The following HIVEP1 variants were observed in gnomAD, a reference collection of about 807,000 sequenced individuals.
HIVEP1 encodes the protein zinc finger protein 40.
A neutral mutation model predicts 180.0 loss-of-function variants in HIVEP1; 36 were observed. The observed-to-expected ratio is 0.20, with a 90% CI of 0.15 to 0.26. The LOEUF is 0.26. Among genes scored for constraint, HIVEP1 ranks in the 10% least tolerant of loss-of-function variants. The pLI is 1.00. For synonymous variants in HIVEP1, 1,239 were observed against 1,239.0 expected, an observed-to-expected ratio of 1.00 and a Z score of 0.00; for missense variants, 3,143 against 3,268.7, an observed-to-expected ratio of 0.96 and a Z score of 0.94.
intron 3 of HIVEP1, among the ~76,000 whole-genome samples, chr6:12,109,377 G>A (rs187834015): frequency 1.3e-5 from 2 of 152,316 alleles, no homozygotes; most frequent in African/African-American, 2.4e-5. Flanking sequence ...GTGTTTGATA[G>A]CATTTCACCC....
At chr6:12,012,772 C>G (rs1410462685) in intron 1 of HIVEP1, 1 of 152,832 alleles carries the variant, frequency 6.5e-6, no homozygotes, top group Non-Finnish European at 1.5e-5. Flanking sequence ...GCGCCCTCGC[C>G]GCGCGCGAGC....
intron 2 of HIVEP1, among the ~76,000 whole-genome samples, chr6:12,044,680 C>G (rs1389869278): frequency 6.6e-6 from 1 of 151,422 alleles, no homozygotes; most frequent in African/African-American, 2.4e-5. Flanking sequence ...GCCAGTGCAC[C>G]TGTGTGCAGC....
At chr6:12,068,433 G>A (rs1771744232) in intron 2 of HIVEP1, among the ~76,000 whole-genome samples, 1 of 152,102 alleles carries the variant, frequency 6.6e-6, no homozygotes, top group Non-Finnish European at 1.5e-5. Context: ...TAAATTAAAG[G>A]AATGTAAAGG....
rs548437064 is a variant in HIVEP1, at chr6:12,054,345, A to G, written c.41-34839A>G. On this transcript the variant is annotated intron_variant, in intron 2 of 8. Transcript: ENST00000379388. ...TTTGGAAGATCCACATACAGAAGTT[A>G]TAGTCACTCATAACTGTACCATCCA... is the stretch of plus-strand genomic sequence containing the variant. Among the ~76,000 whole-genome samples, 6 of 152,368 alleles carry G rather than the reference A, an allele frequency of 3.9e-5. No individual in the cohort carries two copies. In the South Asian group the frequency reaches 1.0e-3, roughly 26 times the overall value.
intron 3 of HIVEP1, among the ~76,000 whole-genome samples, chr6:12,102,344 A>G (rs1774160529): frequency 6.6e-6 from 1 of 152,214 alleles, no homozygotes; most frequent in African/African-American, 2.4e-5. Flanking sequence ...CCTAGGCCAT[A>G]AAACAGTTGA....
At position 12,122,324 on chromosome 6, in the gene HIVEP1, G is replaced by C; in HGVS notation, c.2529G>C (p.Pro843=). ...CLPITRSNSM[P]TTGYSAVPAN... ...CTATCACAAGAAGTAATTCCATGCCGACCACAGGTTATTCAGCAGTACCTG... is the reference window on the plus strand; with the variant it reads ...CTATCACAAGAAGTAATTCCATGCCCACCACAGGTTATTCAGCAGTACCTG... The change falls in exon 4 of 9, where the codon CCG becomes CCC. Residue 843 remains proline, a synonymous_variant. Coordinates refer to ENST00000379388, the MANE Select transcript of HIVEP1 (RefSeq NM_002114.4). 1 of 1,614,130 alleles carries C rather than the reference G, an allele frequency of 6.2e-7. No homozygotes were observed. Among genetic ancestry groups the C allele is most frequent in the South Asian group, 1.1e-5 (1 of 91,064 alleles).
chr6:12,190,661 C>T, the HIVEP1 span, among the ~76,000 whole-genome samples: 3 of 152,150 alleles, frequency 2.0e-5, no homozygotes, highest in Non-Finnish European at 4.4e-5. Flanking sequence ...TTTCTTGTGG[C>T]ACCTAATTCC....
At chr6:12,189,662 T>C in the HIVEP1 span, among the ~76,000 whole-genome samples, 1,177 of 152,322 alleles carry the variant, frequency 7.7e-3, 16 homozygotes, top group African/African-American at 0.027. Flanking sequence ...TAATTTCATG[T>C]ACTATTAATG....
intron 7 of HIVEP1, among the ~76,000 whole-genome samples, chr6:12,155,523 T>C (rs1425427688): frequency 6.6e-6 from 1 of 152,058 alleles, no homozygotes; most frequent in Non-Finnish European, 1.5e-5. Context: ...GGTTTTCTCT[T>C]CCTGCATTAG....
At chr6:12,100,501 A>G (rs1473291798) in intron 3 of HIVEP1, among the ~76,000 whole-genome samples, 1 of 152,214 alleles carries the variant, frequency 6.6e-6, no homozygotes, top group Non-Finnish European at 1.5e-5. Context: ...AGTAAGAGAC[A>G]GACATAACAC....
rs1335011934 is a variant in HIVEP1 at position 12,012,504 on chromosome 6, TCAG to T, written c.-161_-159del. ...AGATCCCGAGCCGCGGCCGCCGCCA[TCAG>T]CAGCGCAGCTCCAGGGCCGGCTGCA... On this transcript the variant is annotated 5_prime_UTR_variant, in exon 1 of 9. Transcript: ENST00000379388. The T allele has an allele frequency of 6.7e-6, 1 of 150,008 alleles. No individual in the cohort carries two copies. Among genetic ancestry groups the T allele is most frequent in the Non-Finnish European group, 1.5e-5 (1 of 67,414 alleles). 9.3% of individuals were successfully genotyped at this position (150,008 alleles called of 1,614,324 possible).
At chr6:12,189,661 G>A in the HIVEP1 span, among the ~76,000 whole-genome samples, 146 of 152,248 alleles carry the variant, frequency 9.6e-4, 1 homozygote, top group Middle Eastern at 0.01. Context: ...TTAATTTCAT[G>A]TACTATTAAT....
chr6:12,160,941 A>G (rs1471915621), intron 7 of HIVEP1, among the ~76,000 whole-genome samples: 2 of 152,198 alleles, frequency 1.3e-5, no homozygotes, highest in Admixed American at 6.5e-5. Flanking sequence ...CTCATCTATA[A>G]TACTATTCAA....
chr6:12,049,987 C>G (rs1379638458), intron 2 of HIVEP1, among the ~76,000 whole-genome samples: 1 of 152,158 alleles, frequency 6.6e-6, no homozygotes, highest in African/African-American at 2.4e-5. Context: ...GATATGGGCT[C>G]TCTGGAGCAT....
the HIVEP1 span, among the ~76,000 whole-genome samples, chr6:12,198,679 G>A: frequency 3.9e-5 from 6 of 152,166 alleles, no homozygotes; most frequent in African/African-American, 1.4e-4. Context: ...CAGTACATGT[G>A]AGATTTAAAT....
chr6:12,200,058 T>C, the HIVEP1 span, among the ~76,000 whole-genome samples: 2 of 152,150 alleles, frequency 1.3e-5, no homozygotes, highest in Non-Finnish European at 2.9e-5. Context: ...CCAAGACTGC[T>C]GGAGAATTGA....
chr6:12,166,369 T>TAA (rs1760700395), downstream of HIVEP1, among the ~76,000 whole-genome samples: 2 of 152,230 alleles, frequency 1.3e-5, no homozygotes, highest in Admixed American at 6.5e-5. Flanking sequence ...AGACAAGTGT[T>TAA]ACGATGTGAG....
At position 12,123,695 on chromosome 6, in the gene HIVEP1, C is replaced by T. The variant is rs769215702; in HGVS notation, c.3900C>T (p.Ser1300=). The change falls in exon 4 of 9, where the codon TCC becomes TCT. Residue 1300 remains serine (S), a synonymous_variant. Transcript: ENST00000379388. The stretch of plus-strand genomic sequence containing the variant: ...CCTCAACAGAATCGAGCTTTGATTC[C>T]ACTCTCTCCAGGAGTCTAAGTAGGG... ...EHSSTESSFD[S]TLSRSLSRES... The T allele has an allele frequency of 6.2e-7, 1 of 1,613,886 alleles. No individual in the cohort carries two copies. Among genetic ancestry groups the T allele is most frequent in the Non-Finnish European group, 8.5e-7 (1 of 1,179,896 alleles).
At chr6:12,011,273 C>CG (rs1561848006), upstream of HIVEP1, among the ~76,000 whole-genome samples, 1 of 72,174 alleles carries the variant, frequency 1.4e-5, no homozygotes, top group African/African-American at 4.2e-5. Flanking sequence ...CTTGGGGTCC[C>CG]CCCCCCCCCC....
Sources: allele counts gnomAD v4.1 joint callset (sites outside exome capture counted in the v4.1 genomes callset), GRCh38; gene constraint gnomAD v4.1.1; transcripts MANE v1.5; gene names NCBI Gene and HGNC (gene_info 2026-07-23, HGNC 2026-07-21).